The following NKAIN2 variants were observed in gnomAD, a reference collection of about 807,000 sequenced individuals.
NKAIN2 encodes the protein sodium/potassium transporting ATPase interacting 2.
Under a neutral mutation model 32.6 loss-of-function variants are expected in NKAIN2, and 14 were observed. The ratio of observed to expected loss-of-function variants is 0.43; its 90% CI spans 0.28 to 0.67. The LOEUF (loss-of-function observed/expected upper bound fraction) is 0.67, where lower values mean the gene tolerates loss of function less well. Among genes scored for constraint, NKAIN2 ranks in the 30% least tolerant of loss-of-function variants. NKAIN2 has a pLI of 0.17. For synonymous variants in NKAIN2, 80 were observed against 87.2 expected (o/e 0.92, Z 0.46); for missense variants, 198 against 258.3 (o/e 0.77, Z 1.60).
At chr6:124,514,315 G>C (rs567439461) in intron 3 of NKAIN2, among the ~76,000 whole-genome samples, 14 of 152,286 alleles carry the variant, frequency 9.2e-5, no homozygotes, top group Middle Eastern at 6.8e-3. Flanking sequence ...TTTGAAGTAA[G>C]GATTGGACAA....
intron 1 of NKAIN2, among the ~76,000 whole-genome samples, chr6:124,277,581 A>G (rs1795097818): frequency 6.6e-6 from 1 of 152,104 alleles, no homozygotes; most frequent in South Asian, 2.1e-4. Flanking sequence ...CTGGAATTGT[A>G]TTAACTTTTG....
chr6:123,957,704 T>C (rs1347406235), intron 1 of NKAIN2, among the ~76,000 whole-genome samples: 1 of 152,212 alleles, frequency 6.6e-6, no homozygotes, highest in Non-Finnish European at 1.5e-5. Context: ...ATGATCTACT[T>C]TCTGCTATAA....
intron 2 of NKAIN2, among the ~76,000 whole-genome samples, chr6:124,316,052 A>G (rs1796936828): frequency 6.6e-6 from 1 of 152,090 alleles, no homozygotes; most frequent in South Asian, 2.1e-4. Flanking sequence ...GAGGAATAAC[A>G]TCTAGTGTTC....
intron 3 of NKAIN2, among the ~76,000 whole-genome samples, chr6:124,379,218 G>GGA (rs1380306695): frequency 1.3e-5 from 1 of 79,084 alleles, no homozygotes; most frequent in Non-Finnish European, 2.8e-5. Context: ...GGAGGGAAAG[G>GGA]AGGGAAGAGG....
chr6:124,451,052 A>C (rs1776087487), intron 3 of NKAIN2, among the ~76,000 whole-genome samples: 1 of 152,158 alleles, frequency 6.6e-6, no homozygotes, highest in South Asian at 2.1e-4. Flanking sequence ...GAATCAGTTA[A>C]AATAATGGAA....
intron 1 of NKAIN2, among the ~76,000 whole-genome samples, chr6:124,062,751 T>C (rs992201126): frequency 9.2e-5 from 14 of 152,336 alleles, no homozygotes; most frequent in African/African-American, 3.4e-4. Flanking sequence ...GACTTTTGAC[T>C]GATAATTCCA....
At chr6:124,220,326 G>C (rs1285969126) in intron 1 of NKAIN2, among the ~76,000 whole-genome samples, 1 of 152,012 alleles carries the variant, frequency 6.6e-6, no homozygotes, top group South Asian at 2.1e-4. Flanking sequence ...CCCCAGCCAT[G>C]CCAAACTGTG....
At chr6:124,067,813 A>C (rs867762899) in intron 1 of NKAIN2, among the ~76,000 whole-genome samples, 2 of 152,194 alleles carry the variant, frequency 1.3e-5, no homozygotes, top group Non-Finnish European at 2.9e-5. Context: ...AAATGTGTGG[A>C]TTAAATTAAA....
chr6:124,299,275 C>G (rs1796197921), intron 2 of NKAIN2, among the ~76,000 whole-genome samples: 1 of 152,144 alleles, frequency 6.6e-6, no homozygotes, highest in African/African-American at 2.4e-5. Flanking sequence ...TTGTAATAAA[C>G]ATAATTTCTA....
intron 4 of NKAIN2, among the ~76,000 whole-genome samples, chr6:124,683,954 G>A (rs1013714862): frequency 6.6e-6 from 1 of 152,138 alleles, no homozygotes; most frequent in South Asian, 2.1e-4. Flanking sequence ...TTCTTTACAT[G>A]TGAGTCCCCA....
At chr6:124,487,348 C>T (rs971704033) in intron 3 of NKAIN2, among the ~76,000 whole-genome samples, 3 of 152,138 alleles carry the variant, frequency 2.0e-5, no homozygotes, top group African/African-American at 7.2e-5. Flanking sequence ...ATTATAGACA[C>T]TTAGCCATTT....
chr6:124,671,078 C>A (rs776906249), intron 4 of NKAIN2, among the ~76,000 whole-genome samples: 7 of 151,984 alleles, frequency 4.6e-5, no homozygotes, highest in Non-Finnish European at 8.8e-5. Context: ...GCAGCTGTAC[C>A]AAACAGAGCA....
chr6:124,215,003 GCAAA>G (rs1324425926), intron 1 of NKAIN2, among the ~76,000 whole-genome samples: 1 of 151,798 alleles, frequency 6.6e-6, no homozygotes, highest in East Asian at 1.9e-4. Flanking sequence ...AAAATACCAA[GCAAA>G]CAAAGAAGAA....
chr6:124,064,530 A>C (rs1299345293), intron 1 of NKAIN2, among the ~76,000 whole-genome samples: 1 of 151,666 alleles, frequency 6.6e-6, no homozygotes, highest in East Asian at 1.9e-4. Flanking sequence ...GGGTGAGATT[A>C]GTTAAAACTA....
intron 2 of NKAIN2, among the ~76,000 whole-genome samples, chr6:124,299,699 G>A (rs1796220739): frequency 6.6e-6 from 1 of 151,718 alleles, no homozygotes; most frequent in Non-Finnish European, 1.5e-5. Context: ...TTCTTTTCTA[G>A]TTCTACTTCT....
At chr6:124,079,767 G>C (rs1489468721) in intron 1 of NKAIN2, among the ~76,000 whole-genome samples, 2 of 152,008 alleles carry the variant, frequency 1.3e-5, no homozygotes, top group African/African-American at 4.8e-5. Flanking sequence ...CATTTATTTT[G>C]CTAAGCCTGT....
chr6:123,878,495 CT>C (rs1018559675), intron 1 of NKAIN2, among the ~76,000 whole-genome samples: 2 of 151,970 alleles, frequency 1.3e-5, no homozygotes, highest in African/African-American at 4.8e-5. Flanking sequence ...CCATTGATTT[CT>C]TCAGGCTTGC....
chr6:124,575,516 T>C (rs1781297810), intron 3 of NKAIN2, among the ~76,000 whole-genome samples: 1 of 152,222 alleles, frequency 6.6e-6, no homozygotes, highest in South Asian at 2.1e-4. Context: ...TACTTTCCAT[T>C]TTCCTTTGAG....
At chr6:123,886,637 C>A (rs777174014) in intron 1 of NKAIN2, among the ~76,000 whole-genome samples, 27 of 152,030 alleles carry the variant, frequency 1.8e-4, no homozygotes, top group Non-Finnish European at 2.9e-4. Flanking sequence ...AACTGCTTTT[C>A]TATGTAGAAC....
Sources: gnomAD v4.1 joint callset for allele counts (sites outside exome capture counted in the v4.1 genomes callset) on GRCh38, gnomAD v4.1.1 for gene constraint, MANE v1.5 for transcripts, NCBI Gene and HGNC (gene_info 2026-07-23, HGNC 2026-07-21) for gene names.